Variants in CCSER1 observed in about 807,000 individuals in gnomAD.
CCSER1 encodes coiled-coil serine rich protein 1.
In CCSER1, 41 loss-of-function variants were observed where a neutral mutation model predicts 82.0. The observed-to-expected ratio is 0.50, with a 90% confidence interval of 0.39 to 0.65. CCSER1 has a LOEUF of 0.65. Ranked by LOEUF, CCSER1 falls within the 30% of genes least tolerant of loss-of-function variation. The pLI is 0.00. For missense variants in CCSER1, 1,119 were observed against 1,064.2 expected, an observed-to-expected ratio of 1.05 and a Z score of -0.72; for synonymous variants, 414 against 383.9, an observed-to-expected ratio of 1.08 and a Z score of -0.92.
At chr4:91,557,764 T>C (rs1366445856) in intron 10 of CCSER1, among the ~76,000 whole-genome samples, 1 of 151,398 alleles carries the variant, frequency 6.6e-6, no homozygotes, top group Non-Finnish European at 1.5e-5. Context: ...GCAAGTAATA[T>C]GGTGAAAAGG....
At chr4:90,936,493 C>T (rs1417691270) in intron 9 of CCSER1, among the ~76,000 whole-genome samples, 1 of 152,042 alleles carries the variant, frequency 6.6e-6, no homozygotes, top group Non-Finnish European at 1.5e-5. Flanking sequence ...GTCCACTTCA[C>T]ATCACAAATA....
intron 8 of CCSER1, among the ~76,000 whole-genome samples, chr4:90,822,754 C>G (rs1580649879): frequency 6.9e-6 from 1 of 145,608 alleles, no homozygotes. Context: ...AAAAAAGTTT[C>G]TATTTAAAAG....
intron 4 of CCSER1, among the ~76,000 whole-genome samples, chr4:90,446,216 A>G (rs989141965): frequency 1.1e-4 from 16 of 152,182 alleles, no homozygotes; most frequent in African/African-American, 3.4e-4. Flanking sequence ...TTAAAACTGT[A>G]CACTTAGCAC....
At chr4:91,283,156 T>C (rs1743044491) in intron 10 of CCSER1, among the ~76,000 whole-genome samples, 1 of 152,082 alleles carries the variant, frequency 6.6e-6, no homozygotes, top group South Asian at 2.1e-4. Flanking sequence ...AATAAAAATA[T>C]ATAATTTAAA....
chr4:91,345,748 G>C (rs544789376), intron 10 of CCSER1, among the ~76,000 whole-genome samples: 1 of 152,006 alleles, frequency 6.6e-6, no homozygotes, highest in Non-Finnish European at 1.5e-5. Context: ...TATGAATTTT[G>C]AAATGTATAA....
chr4:91,109,069 G>A (rs1279435975), intron 10 of CCSER1, among the ~76,000 whole-genome samples: 2 of 152,058 alleles, frequency 1.3e-5, no homozygotes, highest in Admixed American at 6.5e-5. Context: ...AGATTCTCTG[G>A]CCCTTGGACT....
At chr4:91,171,440 G>C (rs984364209) in intron 10 of CCSER1, among the ~76,000 whole-genome samples, 1 of 152,198 alleles carries the variant, frequency 6.6e-6, no homozygotes, top group African/African-American at 2.4e-5. Flanking sequence ...AAACTTGGCT[G>C]AGTCACAAAG....
At chr4:91,012,197 A>G (rs1440185639) in intron 9 of CCSER1, among the ~76,000 whole-genome samples, 2 of 134,634 alleles carry the variant, frequency 1.5e-5, no homozygotes, top group African/African-American at 5.0e-5. Context: ...GAGGTACAGT[A>G]CAGCTTTACT....
chr4:91,183,991 T>C (rs949791652), intron 10 of CCSER1, among the ~76,000 whole-genome samples: 3 of 152,220 alleles, frequency 2.0e-5, no homozygotes, highest in African/African-American at 4.8e-5. Flanking sequence ...ATGGTTACTT[T>C]CTGTGGCACA....
Position 90,628,177 on chromosome 4 carries a change from A to G in CCSER1, c.1877A>G (p.Gln626Arg). 2 of 1,613,970 alleles carry G rather than the reference A, an allele frequency of 1.2e-6. No individual in the cohort carries two copies. Among genetic ancestry groups the G allele is most frequent in the East Asian group, 4.5e-5 (2 of 44,872 alleles). The change falls in exon 6 of 11, where the codon CAG (glutamine) becomes CGG (arginine). Residue 626 changes from glutamine (Q) to arginine (R), a missense_variant. By Grantham distance (43) the Gln-to-Arg change is conservative. Coordinates refer to ENST00000509176, the MANE Select transcript of CCSER1 (RefSeq NM_001145065.2). Reference protein sequence around the residue: ...IDSLPFRLMLQDCTAVKTLLL... With the variant: ...IDSLPFRLMLRDCTAVKTLLL... ...TCTCTGCCATTCAGACTGATGTTAC[A>G]GGACTGCACGGCAGTCAAGACGTTA...
At chr4:90,603,263 G>A (rs1050836357) in intron 5 of CCSER1, among the ~76,000 whole-genome samples, 12 of 152,238 alleles carry the variant, frequency 7.9e-5, no homozygotes, top group African/African-American at 2.9e-4. Flanking sequence ...TGCAGACAGA[G>A]CCAGGTAAGC....
chr4:91,065,322 T>C (rs1332885888), intron 9 of CCSER1, among the ~76,000 whole-genome samples: 1 of 152,112 alleles, frequency 6.6e-6, no homozygotes, highest in Non-Finnish European at 1.5e-5. Flanking sequence ...ATAGAAAATA[T>C]TGGGAAATAT....
chr4:90,228,192 C>T (rs577157162), intron 1 of CCSER1, among the ~76,000 whole-genome samples: 22 of 152,328 alleles, frequency 1.4e-4, no homozygotes, highest in South Asian at 4.1e-4. Context: ...ACAAAAAGAC[C>T]GCAGTAACCT....
chr4:91,003,926 C>G lies in CCSER1; in HGVS notation c.2172+80479C>G, dbSNP rs564078677. ...CTTCTTCCTCTACTTCTGCATTTCA[C>G]TTGGTTCTCTAATTTGTTTCAGCTC... On this transcript the variant is annotated intron_variant, in intron 9 of 10. Coordinates refer to ENST00000509176, the MANE Select transcript of CCSER1 (RefSeq NM_001145065.2). Among the ~76,000 whole-genome samples the G allele has an allele frequency of 7.9e-5, 12 of 152,268 alleles. 1 individual carries two copies. In the South Asian group the frequency reaches 2.5e-3, roughly 32 times the overall value.
chr4:91,048,670 C>T (rs1417465010), intron 9 of CCSER1, among the ~76,000 whole-genome samples: 1 of 152,140 alleles, frequency 6.6e-6, no homozygotes, highest in Non-Finnish European at 1.5e-5. Context: ...CTCCTTCACT[C>T]ATGATCGGCA....
intron 1 of CCSER1, among the ~76,000 whole-genome samples, chr4:90,158,986 T>C (rs1560714628): frequency 6.6e-6 from 1 of 152,146 alleles, no homozygotes; most frequent in Non-Finnish European, 1.5e-5. Context: ...CACTGGGAGC[T>C]GTAGACCGGC....
At chr4:90,815,663 C>T (rs1175275518) in intron 7 of CCSER1, 99 bp from the exon 8 acceptor site, 17 of 714,788 alleles carry the variant, frequency 2.4e-5, no homozygotes, top group Non-Finnish European at 3.2e-5. Flanking sequence ...TTTCGTTAGT[C>T]AGATGCAATT....
intron 8 of CCSER1, among the ~76,000 whole-genome samples, chr4:90,842,556 T>C (rs1414013867): frequency 2.0e-5 from 3 of 152,146 alleles, no homozygotes; most frequent in East Asian, 3.9e-4. Context: ...GAATGTTCAA[T>C]AGGGCATGGG....
intron 8 of CCSER1, among the ~76,000 whole-genome samples, chr4:90,818,788 G>A (rs1941809695): frequency 6.6e-6 from 1 of 152,100 alleles, no homozygotes; most frequent in East Asian, 1.9e-4. Flanking sequence ...CTCCAGGTGA[G>A]AACCACTGCT....
Sources: allele counts gnomAD v4.1 joint callset (sites outside exome capture counted in the v4.1 genomes callset), GRCh38; gene constraint gnomAD v4.1.1; transcripts MANE v1.5; gene names NCBI Gene and HGNC (gene_info 2026-07-23, HGNC 2026-07-21).